The following CUBN variants were observed in gnomAD, a reference collection of about 807,000 sequenced individuals.
CUBN encodes cubilin, also known as 460 kDa receptor.
Under a neutral mutation model 405.3 loss-of-function variants are expected in CUBN, and 282 were observed. The observed-to-expected ratio is 0.70, with a 90% CI of 0.63 to 0.77. CUBN has a LOEUF of 0.77. CUBN is among the 30% of genes least tolerant of loss of function. CUBN has a pLI of 0.00. For missense variants in CUBN, 4,514 were observed against 4,475.2 expected, an observed-to-expected ratio of 1.01 and a Z score of -0.25; for synonymous variants, 1,684 against 1,617.0, an observed-to-expected ratio of 1.04 and a Z score of -0.99.
At chr10:16,953,553 G>A (rs940060384) in intron 32 of CUBN, among the ~76,000 whole-genome samples, 1 of 152,132 alleles carries the variant, frequency 6.6e-6, no homozygotes, top group South Asian at 2.1e-4. Context: ...CAGATGAAAG[G>A]CAATGGGTAA....
chr10:16,874,316 C>T, intron 58 of CUBN, 58 bp downstream of exon 58: 1 of 1,582,736 alleles, frequency 6.3e-7, no homozygotes, highest in Non-Finnish European at 8.7e-7. Flanking sequence ...AAACGAATGG[C>T]TCTTCTATAA....
intron 21 of CUBN, among the ~76,000 whole-genome samples, chr10:17,066,926 G>C (rs139208143): frequency 1.3e-4 from 20 of 152,116 alleles, no homozygotes; most frequent in Admixed American, 2.0e-4. Flanking sequence ...CAAAACACTG[G>C]ATATCAAGCA....
intron 66 of CUBN, among the ~76,000 whole-genome samples, chr10:16,826,388 TATG>T (rs2131295627): frequency 6.6e-6 from 1 of 152,304 alleles, no homozygotes; most frequent in African/African-American, 2.4e-5. Context: ...TGCATGTAAA[TATG>T]TATGTATGTA....
intron 46 of CUBN, 49 bp from the exon 47 acceptor site, chr10:16,915,221 T>C (rs1841851181): frequency 5.0e-6 from 8 of 1,610,592 alleles, no homozygotes; most frequent in South Asian, 1.1e-5. Flanking sequence ...ATTGATTTCC[T>C]TTACCCTCTA....
intron 22 of CUBN, among the ~76,000 whole-genome samples, chr10:17,054,466 T>C (rs981896736): frequency 3.3e-5 from 5 of 151,454 alleles, no homozygotes; most frequent in Non-Finnish European, 5.9e-5. Context: ...AATGAAATAA[T>C]ATAAGAACAG....
chr10:17,127,615 A>G (rs1335031431), intron 3 of CUBN, among the ~76,000 whole-genome samples: 1 of 151,940 alleles, frequency 6.6e-6, no homozygotes, highest in Non-Finnish European at 1.5e-5. Flanking sequence ...CCCAAGGCCT[A>G]CTTCTGCAAC....
chr10:16,988,637 T>C (rs1833495486), intron 29 of CUBN, among the ~76,000 whole-genome samples: 1 of 152,208 alleles, frequency 6.6e-6, no homozygotes, highest in Non-Finnish European at 1.5e-5. Flanking sequence ...CTAGTGACTC[T>C]CACTGAGGGG....
At chr10:16,987,340 G>C (rs556767026) in intron 29 of CUBN, among the ~76,000 whole-genome samples, 1 of 152,360 alleles carries the variant, frequency 6.6e-6, no homozygotes, top group South Asian at 2.1e-4. Context: ...GGGGGAAAAA[G>C]AAGTGGTCTG....
rs564421692 is a variant in CUBN at position 16,913,842 on chromosome 10, G to A, written c.7502C>T (p.Thr2501Met). 6.2e-6 allele frequency: 10 copies of A among 1,613,974 alleles called. No homozygotes were observed. The highest frequency in any genetic ancestry group is 5.3e-5 in the African/African-American group (4 of 75,028). ...TLMFNNLRLA[T>M]HPSCNNEHVI... is the part of the protein sequence containing the mutation. ...ATGCTCATTGTTGCAGGACGGATGC[G>A]TGGCCAGCCTCAGGTTGTTAAACAT... is the stretch of plus-strand genomic sequence containing the variant. Residue 2501 changes from threonine (T) to methionine (M), a missense_variant, in exon 48 of 67, where the codon ACG becomes ATG. By Grantham distance (81) the Thr-to-Met change is moderately conservative. Coordinates refer to ENST00000377833, the MANE Select transcript of CUBN (RefSeq NM_001081.4).
At chr10:16,841,343 A>G (rs537495271) in intron 60 of CUBN, among the ~76,000 whole-genome samples, 1 of 152,286 alleles carries the variant, frequency 6.6e-6, no homozygotes, top group East Asian at 1.9e-4. Flanking sequence ...ACCGACTCAC[A>G]CTATGGCCCC....
At chr10:16,871,940 G>A (rs1383880181) in intron 58 of CUBN, among the ~76,000 whole-genome samples, 2 of 152,184 alleles carry the variant, frequency 1.3e-5, no homozygotes, top group Non-Finnish European at 2.9e-5. Context: ...ACCTGCAGAT[G>A]TAGGCTGGGT....
chr10:17,025,531 A>T (rs532790109), intron 27 of CUBN, among the ~76,000 whole-genome samples: 27 of 152,318 alleles, frequency 1.8e-4, no homozygotes, highest in African/African-American at 6.5e-4. Flanking sequence ...AACCACGTAA[A>T]AGGTTTGCTA....
At chr10:16,965,038 G>A (rs966276246) in intron 31 of CUBN, among the ~76,000 whole-genome samples, 3 of 152,136 alleles carry the variant, frequency 2.0e-5, no homozygotes, top group Admixed American at 1.3e-4. Flanking sequence ...TGTACCCAAC[G>A]GCCAGACCGT....
chr10:16,977,687 G>C (rs978903849), intron 31 of CUBN, among the ~76,000 whole-genome samples: 10 of 152,300 alleles, frequency 6.6e-5, no homozygotes, highest in Non-Finnish European at 1.3e-4. Flanking sequence ...GCCATCTGAG[G>C]ATGGCAGAGC....
At chr10:16,858,433 A>C (rs548335539) in intron 59 of CUBN, among the ~76,000 whole-genome samples, 1 of 152,042 alleles carries the variant, frequency 6.6e-6, no homozygotes, top group Non-Finnish European at 1.5e-5. Context: ...GGATCCTCCT[A>C]CCTCAGCCTC....
intron 39 of CUBN, among the ~76,000 whole-genome samples, chr10:16,935,023 C>A (rs1249903937): frequency 1.3e-5 from 2 of 152,194 alleles, no homozygotes; most frequent in Non-Finnish European, 1.5e-5. Context: ...TGACCCTAGT[C>A]CACAGTAAGC....
intron 36 of CUBN, among the ~76,000 whole-genome samples, chr10:16,943,967 G>A (rs570582888): frequency 6.6e-6 from 1 of 152,328 alleles, no homozygotes; most frequent in East Asian, 1.9e-4. Context: ...CTTTGCTTTA[G>A]GCTGGTACAT....
At chr10:17,014,971 A>G (rs894850629) in intron 28 of CUBN, among the ~76,000 whole-genome samples, 2 of 152,314 alleles carry the variant, frequency 1.3e-5, no homozygotes, top group African/African-American at 4.8e-5. Flanking sequence ...TTGGCATTTG[A>G]GAGAGCAGGG....
intron 28 of CUBN, among the ~76,000 whole-genome samples, chr10:16,999,293 T>C (rs1490551662): frequency 2.6e-5 from 4 of 152,230 alleles, no homozygotes; most frequent in Non-Finnish European, 4.4e-5. Flanking sequence ...GAAGCCATAA[T>C]TTTGGAGTTT....
Sources: allele counts gnomAD v4.1 joint callset (sites outside exome capture counted in the v4.1 genomes callset), GRCh38; gene constraint gnomAD v4.1.1; transcripts MANE v1.5; gene names NCBI Gene and HGNC (gene_info 2026-07-23, HGNC 2026-07-21).